DENND1A: variants seen among roughly 807,000 people sequenced by gnomAD.
DENND1A encodes DENN domain containing 1A.
Under a neutral mutation model 113.7 loss-of-function variants are expected in DENND1A, and 51 were observed. That is an observed-to-expected ratio of 0.45 (90% CI 0.36 to 0.57). The LOEUF (loss-of-function observed/expected upper bound fraction) is 0.57, where lower values mean the gene tolerates loss of function less well. DENND1A is among the 20% of genes least tolerant of loss of function. The pLI, the probability that DENND1A is intolerant of heterozygous loss-of-function variation, is 0.00. For synonymous variants in DENND1A, 565 were observed against 570.8 expected, an observed-to-expected ratio of 0.99 and a Z score of 0.14; for missense variants, 1,258 against 1,395.9, an observed-to-expected ratio of 0.90 and a Z score of 1.57.
chr9:123,917,441 T>A (rs1855362787), intron 1 of DENND1A, among the ~76,000 whole-genome samples: 1 of 152,164 alleles, frequency 6.6e-6, no homozygotes, highest in Non-Finnish European at 1.5e-5. Context: ...AAAAGAGTAA[T>A]GGTGTTGGTG....
At chr9:123,522,805 A>G (rs761243801) in intron 13 of DENND1A, among the ~76,000 whole-genome samples, 1 of 152,186 alleles carries the variant, frequency 6.6e-6, no homozygotes, top group African/African-American at 2.4e-5. Context: ...CTGCATTGGA[A>G]ACATGAGACG....
chr9:123,693,665 T>TAG (rs2065312886), intron 5 of DENND1A, among the ~76,000 whole-genome samples: 1 of 152,060 alleles, frequency 6.6e-6, no homozygotes, highest in Admixed American at 6.6e-5. Flanking sequence ...TTCATGGCAA[T>TAG]AGAGTTCCAT....
intron 5 of DENND1A, among the ~76,000 whole-genome samples, chr9:123,738,370 AT>A (rs571950744): frequency 1.1e-3 from 174 of 152,102 alleles, no homozygotes; most frequent in African/African-American, 3.7e-3. Flanking sequence ...GCACAAGAGA[AT>A]AAAAAAATTT....
Position 123,432,560 on chromosome 9 carries a change from C to T in DENND1A, c.1488+7800G>A, listed in dbSNP as rs942165257. On this transcript the variant is annotated intron_variant, in intron 19 of 23. Coordinates refer to ENST00000394215, the MANE Select transcript of DENND1A (RefSeq NM_001352964.2). ...GGGAGCGGAGTGGGGAGATCACCAC[C>T]GTACCTCTGCTCACTCACACAAAGA... Among the ~76,000 whole-genome samples, 5 of 152,184 alleles carry T rather than the reference C, an allele frequency of 3.3e-5. No individual in the cohort carries two copies. The East Asian group carries it at 5.8e-4, about 18-fold the overall frequency.
intron 13 of DENND1A, among the ~76,000 whole-genome samples, chr9:123,526,121 C>A (rs2054817856): frequency 6.6e-6 from 1 of 151,984 alleles, no homozygotes; most frequent in Admixed American, 6.6e-5. Context: ...TCCCTCTATG[C>A]CAGTATCACT....
intron 13 of DENND1A, chr9:123,485,706 G>A (rs546232678): frequency 1.3e-5 from 2 of 151,794 alleles, no homozygotes; most frequent in East Asian, 3.9e-4. Flanking sequence ...TGTGGGGTCA[G>A]CTGCCGGGGA....
chr9:123,646,609 C>G (rs982534567), intron 9 of DENND1A, among the ~76,000 whole-genome samples: 1 of 152,108 alleles, frequency 6.6e-6, no homozygotes, highest in Non-Finnish European at 1.5e-5. Flanking sequence ...ATCCCTGCCA[C>G]TCTCCACTCC....
At chr9:123,662,379 T>C (rs999281874) in intron 8 of DENND1A, among the ~76,000 whole-genome samples, 2 of 152,146 alleles carry the variant, frequency 1.3e-5, no homozygotes, top group Admixed American at 6.5e-5. Context: ...CTGGCCAACA[T>C]GGTGAAACCC....
At chr9:123,827,015 CA>C (rs1323493278) in intron 2 of DENND1A, among the ~76,000 whole-genome samples, 2 of 152,138 alleles carry the variant, frequency 1.3e-5, no homozygotes, top group African/African-American at 4.8e-5. Flanking sequence ...TATACATCTA[CA>C]TGTAGAGAGC....
intron 5 of DENND1A, among the ~76,000 whole-genome samples, chr9:123,721,747 G>A (rs990857874): frequency 6.6e-6 from 1 of 152,168 alleles, no homozygotes; most frequent in African/African-American, 2.4e-5. Flanking sequence ...TGTAAGACAT[G>A]ACTTACTCCT....
In DENND1A at chr9:123,731,532, A is replaced by T. The variant is rs2068173537; in HGVS notation, c.302+26171T>A. Among the ~76,000 whole-genome samples the T allele has an allele frequency of 2.0e-5, 3 of 152,350 alleles. No individual in the cohort carries two copies. In the South Asian group the frequency reaches 6.2e-4, roughly 32 times the overall value. ...TGCAAAACAAAAACAATCTACAAAA[A>T]AATTCAACCTATACTTTATACCTTA... On this transcript the variant is annotated intron_variant, in intron 5 of 23. Transcript: ENST00000394215.
At chr9:123,518,413 C>T (rs1267418064) in intron 13 of DENND1A, among the ~76,000 whole-genome samples, 1 of 152,010 alleles carries the variant, frequency 6.6e-6, no homozygotes, top group Admixed American at 6.6e-5. Flanking sequence ...CAAAATATCA[C>T]CCTCAAAAAC....
chr9:123,676,677 A>C (rs754865239), intron 6 of DENND1A, 43 bp downstream of exon 6: 2 of 1,566,944 alleles, frequency 1.3e-6, no homozygotes, highest in Non-Finnish European at 1.7e-6. Flanking sequence ...CATAAAAATT[A>C]AAGCTTATTT....
intron 4 of DENND1A, among the ~76,000 whole-genome samples, chr9:123,762,647 C>T (rs2071136247): frequency 6.6e-6 from 1 of 152,240 alleles, no homozygotes; most frequent in Admixed American, 6.5e-5. Context: ...AGGCAGGGCC[C>T]CTGCCTTTGC....
chr9:123,670,327 T>C (rs2063705330), intron 7 of DENND1A, among the ~76,000 whole-genome samples: 1 of 152,202 alleles, frequency 6.6e-6, no homozygotes, highest in Non-Finnish European at 1.5e-5. Flanking sequence ...TGGATAATAA[T>C]CAATACTTGG....
At position 123,457,442 on chromosome 9, in the gene DENND1A, A is replaced by C. The variant is rs779457914; in HGVS notation, c.1099-7T>G. The C allele has an allele frequency of 1.9e-6, 3 of 1,610,396 alleles. No individual in the cohort carries two copies. Among genetic ancestry groups the C allele is most frequent in the Admixed American group, 1.7e-5 (1 of 60,024 alleles). ...CTAATCGACCATCAATAAACTATAGAAAGAAGGAACAAAAGCACAACAGCT... is the reference window on the plus strand; with the variant it reads ...CTAATCGACCATCAATAAACTATAGCAAGAAGGAACAAAAGCACAACAGCT... On this transcript the variant is annotated splice_region_variant and splice_polypyrimidine_tract_variant and intron_variant, in intron 14 of 23. Coordinates refer to ENST00000394215, the MANE Select transcript of DENND1A (RefSeq NM_001352964.2).
chr9:123,514,649 A>G (rs2053748200), intron 13 of DENND1A, among the ~76,000 whole-genome samples: 1 of 152,178 alleles, frequency 6.6e-6, no homozygotes, highest in South Asian at 2.1e-4. Flanking sequence ...ATGTAAAGGG[A>G]GAAAACTAGA....
rs181698410 is a variant in DENND1A at position 123,678,179 on chromosome 9, C to T, written c.303-1390G>A. Among the ~76,000 whole-genome samples, 17 of 152,276 alleles carry T rather than the reference C, an allele frequency of 1.1e-4. No homozygotes were observed. In the South Asian group the frequency reaches 3.5e-3, roughly 32 times the overall value. On this transcript the variant is annotated intron_variant, in intron 5 of 23. Coordinates refer to ENST00000394215, the MANE Select transcript of DENND1A (RefSeq NM_001352964.2). The stretch of plus-strand genomic sequence containing the variant: ...ATGGCATGTCTGTTTTCTCAACAGA[C>T]CACATGCAAACAGAGAGGAAGGGGC...
intron 13 of DENND1A, among the ~76,000 whole-genome samples, chr9:123,493,771 C>G (rs868524375): frequency 2.6e-5 from 4 of 152,184 alleles, no homozygotes; most frequent in Non-Finnish European, 5.9e-5. Context: ...CACTCAGGGA[C>G]TACGAGTGGA....
Sources: allele counts gnomAD v4.1 joint callset (sites outside exome capture counted in the v4.1 genomes callset), GRCh38; gene constraint gnomAD v4.1.1; transcripts MANE v1.5; gene names NCBI Gene and HGNC (gene_info 2026-07-23, HGNC 2026-07-21).